CHRNB1: variants seen among roughly 807,000 people sequenced by gnomAD.
CHRNB1 encodes cholinergic receptor nicotinic beta 1 subunit, also known as acetylcholine receptor subunit beta.
In CHRNB1, 47 loss-of-function variants were observed where a neutral mutation model predicts 53.8. The observed-to-expected ratio is 0.87, with a 90% CI of 0.69 to 1.11. The LOEUF is 1.11. Among genes scored for constraint, CHRNB1 ranks in the 50% most tolerant of loss-of-function variants. The pLI is 0.00. For synonymous variants in CHRNB1, 259 were observed against 263.5 expected (o/e 0.98, Z 0.16); for missense variants, 605 against 654.9 (o/e 0.92, Z 0.83).
rs1908590455 is a variant in CHRNB1 at position 7,445,969 on chromosome 17, A to G, written c.199-100A>G. 10 of 1,075,640 alleles carry G rather than the reference A, an allele frequency of 9.3e-6. No individual in the cohort carries two copies. The highest frequency in any genetic ancestry group is 1.4e-5 in the Non-Finnish European group (10 of 693,054). The allele number at this position is 1,075,640 out of a possible 1,614,324, so 66.6% of individuals were successfully genotyped here. On this transcript the variant is annotated intron_variant, in intron 2 of 10. Transcript: ENST00000306071. The surrounding 1 kb of genome is among the most constrained non-coding windows in gnomAD (Gnocchi z 5.7). The stretch of plus-strand genomic sequence containing the variant: ...TTGGACCCGAGAGGATGGGGCTCAG[A>G]AAAAGGGGGCGGCGTTCCCAGGAGA...
chr17:7,454,439 C>G lies in CHRNB1; in HGVS notation c.963C>G (p.Phe321Leu), dbSNP rs750396330. Residue 321 changes from phenylalanine to leucine, a missense_variant, in exon 8 of 11, where the codon TTC becomes TTG. Phe to Leu is a conservative substitution (Grantham distance 22). Coordinates refer to ENST00000306071, the MANE Select transcript of CHRNB1 (RefSeq NM_000747.3). ...YLMFTMVLVT[F>L]SVILSVVVLN... ...TGTTTACCATGGTCCTCGTCACCTT[C>G]TCAGTCATCCTTAGTGTCGTGGTTC... 19 of 1,614,012 alleles carry G rather than the reference C, an allele frequency of 1.2e-5. No individual in the cohort carries two copies. The African/African-American group carries it at 2.4e-4, about 20-fold the overall frequency.
chr17:7,450,657 T>G (rs1232276678), intron 7 of CHRNB1, among the ~76,000 whole-genome samples: 3 of 152,268 alleles, frequency 2.0e-5, no homozygotes, highest in Non-Finnish European at 4.4e-5. Context: ...GTACATGTAC[T>G]AATTCTAAAC....
intron 3 of CHRNB1, chr17:7,446,599 G>A: frequency 1.7e-6 from 1 of 586,852 alleles, no homozygotes. Context: ...AGCTACTGCA[G>A]CCTCCTCATT....
rs190725123 is a variant in CHRNB1, at chr17:7,457,241, C to T, written c.*518C>T. The stretch of plus-strand genomic sequence containing the variant: ...CTGAGGCAGGAGAATCACTCGAACC[C>T]GGGAGGCAGAGGTTGCAGTGAGTCA... On this transcript the variant is annotated 3_prime_UTR_variant, in exon 11 of 11. Transcript: ENST00000306071. 23 of 166,640 alleles carry T rather than the reference C, an allele frequency of 1.4e-4. No homozygotes were observed. The East Asian group carries it at 2.6e-3, about 19-fold the overall frequency. The allele number at this position is 166,640 out of a possible 1,614,324, so 10.3% of individuals were successfully genotyped here. A position where few individuals can be genotyped will look rare whatever the true frequency, so the allele number is the denominator to read the frequency against.
rs1242910645 is a variant in CHRNB1, at chr17:7,455,852, G to T, written c.1276G>T (p.Ala426Ser). Residue 426 changes from alanine to serine, a missense_variant, in exon 10 of 11, where the codon GCT becomes TCT. Ala to Ser is a moderately conservative substitution (Grantham distance 99). Transcript: ENST00000306071. ...LRRFIDGPNR[A>S]VALLPELREV... is the part of the protein sequence containing the mutation. ...GCGATTTATCGATGGTCCAAACCGG[G>T]CTGTGGCCCTGCTTCCGGAGCTACG... 2 of 1,613,948 alleles carry T rather than the reference G, an allele frequency of 1.2e-6. No homozygotes were observed. Among genetic ancestry groups the T allele is most frequent in the Non-Finnish European group, 1.7e-6 (2 of 1,180,028 alleles).
At position 7,445,432 on chromosome 17, in the gene CHRNB1, G is replaced by A; in HGVS notation, c.198+23G>A. On this transcript the variant is annotated intron_variant, in intron 2 of 10. Transcript: ENST00000306071. The surrounding 1 kb of genome is among the most constrained non-coding windows in gnomAD (Gnocchi z 5.7). ...CTGGTGAGGGCGCGCGGGGGGTGGA[G>A]GTCAGGCCAGCCGACCGGCCGGGGG... The A allele has an allele frequency of 6.2e-7, 1 of 1,608,918 alleles. No individual in the cohort carries two copies. Among genetic ancestry groups the A allele is most frequent in the Non-Finnish European group, 8.5e-7 (1 of 1,179,030 alleles).
chr17:7,456,221 T>C (rs933513915), intron 10 of CHRNB1, among the ~76,000 whole-genome samples: 2 of 151,696 alleles, frequency 1.3e-5, no homozygotes, highest in African/African-American at 4.8e-5. Flanking sequence ...GCCTGGCTAA[T>C]TTTTGTATTT....
rs549766192 is a variant in CHRNB1 at position 7,446,276 on chromosome 17, A to G, written c.243+163A>G. The G allele has an allele frequency of 5.4e-4, 366 of 677,416 alleles. 2 individuals are homozygous for G. The highest frequency in any genetic ancestry group is 4.3e-3 in the African/African-American group (238 of 55,748). The allele number at this position is 677,416 out of a possible 1,614,324, so 42.0% of individuals were successfully genotyped here. A position where few individuals can be genotyped will look rare whatever the true frequency, so the allele number is the denominator to read the frequency against. On this transcript the variant is annotated intron_variant, in intron 3 of 10. Coordinates refer to ENST00000306071, the MANE Select transcript of CHRNB1 (RefSeq NM_000747.3). ...AACACTTAACTTTACTACAGGAGTT[A>G]CACCCCATGCATTTTTAATTCCAAT... is the stretch of plus-strand genomic sequence containing the variant.
Position 7,445,791 on chromosome 17 carries a change from T to G in CHRNB1, c.199-278T>G, listed in dbSNP as rs1908581864. ...GGTGGAGGTTCGGGGCTGGGTGGATTATGAGCTGAAGGCAGGGCCGGGGAC... is the reference window on the plus strand; with the variant it reads ...GGTGGAGGTTCGGGGCTGGGTGGATGATGAGCTGAAGGCAGGGCCGGGGAC... On this transcript the variant is annotated intron_variant, in intron 2 of 10. Coordinates refer to ENST00000306071, the MANE Select transcript of CHRNB1 (RefSeq NM_000747.3). This position sits in a 1 kb window ranked among gnomAD's most constrained non-coding sequence, Gnocchi z 5.7. 2 of 631,034 alleles carry G rather than the reference T, an allele frequency of 3.2e-6. No individual in the cohort carries two copies. Among genetic ancestry groups the G allele is most frequent in the South Asian group, 3.9e-5 (2 of 50,954 alleles). 39.1% of individuals were successfully genotyped at this position (631,034 alleles called of 1,614,324 possible). A position where few individuals can be genotyped will look rare whatever the true frequency, so the allele number is the denominator to read the frequency against.
chr17:7,446,472 C>G, intron 3 of CHRNB1: 2 of 510,590 alleles, frequency 3.9e-6, no homozygotes, highest in Non-Finnish European at 7.1e-6. Context: ...AGATTACAGC[C>G]GTGAGCCACT....
chr17:7,447,474 C>A (rs1439626688), intron 5 of CHRNB1, 29 bp from the exon 6 acceptor site: 18 of 1,613,850 alleles, frequency 1.1e-5, no homozygotes, highest in Non-Finnish European at 1.4e-5. Context: ...GGTTCTCTGG[C>A]AGCTCTAGTG....
chr17:7,448,252 G>A (rs191486903), intron 6 of CHRNB1, among the ~76,000 whole-genome samples: 3 of 151,188 alleles, frequency 2.0e-5, no homozygotes, highest in Non-Finnish European at 4.4e-5. Flanking sequence ...CAGGTGTGGT[G>A]GTGGACACCT....
At chr17:7,446,733 T>TGCTCCCCTTCCTTGC in intron 3 of CHRNB1, 100 bp from the exon 4 acceptor site, 1 of 907,182 alleles carries the variant, frequency 1.1e-6, no homozygotes, top group Non-Finnish European at 1.8e-6. Context: ...ATGCCTGTCC[T>TGCTCCCCTTCCTTGC]GCTCCCCTTC....
At position 7,455,783 on chromosome 17, in the gene CHRNB1, T is replaced by C; in HGVS notation, c.1218-11T>C. ...TTTGCGTTTGGGCGTGGCCAGTCAC[T>C]CCTCTTCCAGGTTCCAGCCTGAACT... is the stretch of plus-strand genomic sequence containing the variant. On this transcript the variant is annotated splice_polypyrimidine_tract_variant and intron_variant, in intron 9 of 10. Coordinates refer to ENST00000306071, the MANE Select transcript of CHRNB1 (RefSeq NM_000747.3). 6.2e-7 allele frequency: 1 copy of C among 1,614,070 alleles called. No homozygotes were observed. The highest frequency in any genetic ancestry group is 8.5e-7 in the Non-Finnish European group (1 of 1,179,992).
chr17:7,446,253 C>T, intron 3 of CHRNB1, 140 bp downstream of exon 3: 1 of 771,626 alleles, frequency 1.3e-6, no homozygotes, highest in Non-Finnish European at 2.2e-6. Flanking sequence ...GAAGAAACAA[C>T]ACTTAACTTT....
Position 7,445,165 on chromosome 17 carries a change from TGGGGGCGCC to T in CHRNB1, c.40_48del (p.Gly14_Pro16del), listed in dbSNP as rs1250653617. ...GCTCTGCTGATGCTGCTGGGGGCGC[TGGGGGCGCC>T]GCTCGCCCCAGGTAAGTGTAGGCCC... On this transcript the variant is annotated inframe_deletion, in exon 1 of 11. Coordinates refer to ENST00000306071, the MANE Select transcript of CHRNB1 (RefSeq NM_000747.3). The surrounding 1 kb of genome is among the most constrained non-coding windows in gnomAD (Gnocchi z 5.7). 50 of 1,609,238 alleles carry T rather than the reference TGGGGGCGCC, an allele frequency of 3.1e-5. No individual in the cohort carries two copies. The highest frequency in any genetic ancestry group is 3.6e-4 in the Middle Eastern group (2 of 5,540).
chr17:7,445,354 T>TGG lies in CHRNB1; in HGVS notation c.145_146dup (p.Asp50GlufsTer18). 9 of 1,612,516 alleles carry TGG rather than the reference T, an allele frequency of 5.6e-6. No individual in the cohort carries two copies. Among genetic ancestry groups the TGG allele is most frequent in the Non-Finnish European group, 7.6e-6 (9 of 1,179,740 alleles). On this transcript the variant is annotated frameshift_variant, in exon 2 of 11. Transcript: ENST00000306071. LOFTEE classifies it high-confidence loss of function. The surrounding 1 kb of genome is among the most constrained non-coding windows in gnomAD (Gnocchi z 5.7). ...AGCTCCGTGCGGCCAGCGCGGGAGG[T>TGG]GGGAGACCGTGTCAGGGTCAGCGTT...
chr17:7,452,990 C>G (rs1462059414), intron 7 of CHRNB1, among the ~76,000 whole-genome samples: 1 of 152,214 alleles, frequency 6.6e-6, no homozygotes, highest in African/African-American at 2.4e-5. Context: ...CGCCACTAAA[C>G]TCCAGCCTGG....
chr17:7,455,662 G>C (rs2069942274), intron 9 of CHRNB1, 132 bp from the exon 10 acceptor site: 1 of 1,343,592 alleles, frequency 7.4e-7, no homozygotes, highest in South Asian at 1.2e-5. Flanking sequence ...AGAGATCACT[G>C]CTGGAGGGAA....
Sources: gnomAD v4.1 joint callset for allele counts (sites outside exome capture counted in the v4.1 genomes callset) on GRCh38, gnomAD v4.1.1 for gene constraint, Gnocchi (gnomAD v3.1) non-coding constraint, MANE v1.5 for transcripts, NCBI Gene and HGNC (gene_info 2026-07-23, HGNC 2026-07-21) for gene names.